Variants in NXPE1 observed in about 807,000 individuals in gnomAD.
NXPE1 encodes the protein neurexophilin and PC-esterase domain family member 1.
NXPE1 carries 31 observed loss-of-function variants against 33.3 expected under a neutral mutation model. The observed-to-expected ratio is 0.93, with a 90% CI of 0.70 to 1.26. NXPE1 has a LOEUF of 1.26. Ranked by LOEUF, NXPE1 falls within the 50% of genes most tolerant of loss-of-function variation. The probability of loss-of-function intolerance (pLI) is 0.00; values close to 1 mark genes in which losing one functional copy is unlikely to be tolerated. For synonymous variants in NXPE1, 229 were observed against 231.4 expected, an observed-to-expected ratio of 0.99 and a Z score of 0.09; for missense variants, 661 against 655.6, an observed-to-expected ratio of 1.01 and a Z score of -0.09.
chr11:114,533,134 G>A (rs965259475), intron 5 of NXPE1, among the ~76,000 whole-genome samples: 3 of 152,048 alleles, frequency 2.0e-5, no homozygotes, highest in South Asian at 2.1e-4. Context: ...AATGATGGGG[G>A]GAGAAACAGA....
chr11:114,552,472 G>T (rs1043779553), intron 2 of NXPE1, among the ~76,000 whole-genome samples: 5 of 152,052 alleles, frequency 3.3e-5, no homozygotes, highest in African/African-American at 9.7e-5. Context: ...CACAATATTT[G>T]TTGAATAAAT....
intron 1 of NXPE1, chr11:114,553,830 T>TCATTTCTTTCCA (rs1948584227): frequency 2.1e-6 from 2 of 963,544 alleles, no homozygotes; most frequent in East Asian, 2.3e-4. Flanking sequence ...TCTTTCCAAC[T>TCATTTCTTTCCA]GCTCATTCAG....
At chr11:114,544,651 A>C (rs1948213399) in intron 5 of NXPE1, among the ~76,000 whole-genome samples, 2 of 152,176 alleles carry the variant, frequency 1.3e-5, no homozygotes, top group Non-Finnish European at 2.9e-5. Flanking sequence ...AATCTGTGTG[A>C]ACTTGAGCTG....
Position 114,543,091 on chromosome 11 carries a change from A to C in NXPE1, c.99+8012T>G, listed in dbSNP as rs180937274. ...GCAAATATGGCAAGACTGTCTCTAC[A>C]AAATACATAAAGAAATCACTTTGGG... On this transcript the variant is annotated intron_variant, in intron 5 of 8. Transcript: ENST00000534921. Among the ~76,000 whole-genome samples the C allele has an allele frequency of 1.2e-4, 18 of 152,146 alleles. No individual in the cohort carries two copies. In the East Asian group the frequency reaches 3.5e-3, roughly 29 times the overall value.
chr11:114,532,603 A>G lies in NXPE1; in HGVS notation c.100-1695T>C, dbSNP rs146341036. Reference sequence around the variant, plus strand: ...AAGGAAAAACAAACCAATTAATTTTATAAGAATGGAATATATTTTATACTA... The same window carrying G: ...AAGGAAAAACAAACCAATTAATTTTGTAAGAATGGAATATATTTTATACTA... On this transcript the variant is annotated intron_variant, in intron 5 of 8. Coordinates refer to ENST00000534921, the Ensembl canonical transcript of NXPE1. 3.7e-3 allele frequency among the ~76,000 whole-genome samples: 563 copies of G among 152,248 alleles called. 4 individuals are homozygous for G. The highest frequency in any genetic ancestry group is 0.011 in the Admixed American group (163 of 15,292).
intron 5 of NXPE1, among the ~76,000 whole-genome samples, chr11:114,532,047 T>G (rs1372654549): frequency 6.6e-6 from 1 of 152,200 alleles, no homozygotes; most frequent in Non-Finnish European, 1.5e-5. Flanking sequence ...GATTTGAGAA[T>G]GATTACAGAC....
At chr11:114,529,751 T>G in intron 6 of NXPE1, 1 of 169,826 alleles carries the variant, frequency 5.9e-6, no homozygotes, top group Non-Finnish European at 1.3e-5. Flanking sequence ...GAGAGACCAG[T>G]TGGGAAGCTG....
At chr11:114,546,822 GCAAA>G (rs1233804065) in intron 5 of NXPE1, among the ~76,000 whole-genome samples, 2 of 152,068 alleles carry the variant, frequency 1.3e-5, no homozygotes, top group East Asian at 1.9e-4. Flanking sequence ...CTCAAAAGAA[GCAAA>G]CAAACAAAGG....
chr11:114,522,010 C>T (rs376507594), exon 9 of NXPE1: 61 of 1,613,466 alleles, frequency 3.8e-5, no homozygotes, highest in Non-Finnish European at 4.7e-5. Flanking sequence ...GATTTCCAAT[C>T]ACATGATCAG....
At chr11:114,557,371 T>C (rs2135142732) in intron 1 of NXPE1, among the ~76,000 whole-genome samples, 1 of 152,176 alleles carries the variant, frequency 6.6e-6, no homozygotes. Context: ...TATTAGGAAA[T>C]GAGGGACCTT....
At chr11:114,531,304 T>C (rs1024491415) in intron 5 of NXPE1, among the ~76,000 whole-genome samples, 1 of 152,170 alleles carries the variant, frequency 6.6e-6, no homozygotes, top group African/African-American at 2.4e-5. Flanking sequence ...TCTTTTCATA[T>C]ATGCCTTACA....
At chr11:114,522,729 G>T in intron 8 of NXPE1, 150 bp downstream of exon 8, 1 of 673,336 alleles carries the variant, frequency 1.5e-6, no homozygotes, top group Non-Finnish European at 2.5e-6. Context: ...TATGAAAGAA[G>T]GAATAAAATA....
At chr11:114,558,214 GTA>G (rs1278647553) in intron 1 of NXPE1, among the ~76,000 whole-genome samples, 1 of 151,706 alleles carries the variant, frequency 6.6e-6, no homozygotes. Context: ...ATGTGTGTGT[GTA>G]TATATATATC....
chr11:114,520,945 A>T (rs115861445), downstream of NXPE1, among the ~76,000 whole-genome samples: 612 of 152,334 alleles, frequency 4.0e-3, 2 homozygotes, highest in African/African-American at 0.014. Flanking sequence ...AAGTTTGAGC[A>T]GTGGATTCAG....
intron 5 of NXPE1, among the ~76,000 whole-genome samples, chr11:114,540,826 T>C (rs1435072514): frequency 1.7e-5 from 2 of 114,828 alleles, no homozygotes; most frequent in East Asian, 6.5e-4. Flanking sequence ...TAAAACACAA[T>C]AGAAAGCCAT....
At chr11:114,528,986 C>G (rs117479043) in intron 6 of NXPE1, 16,770 of 427,684 alleles carry the variant, frequency 0.039, 459 homozygotes, top group Non-Finnish European at 0.056. Context: ...AGAAGGGAGC[C>G]AGGGACTATA....
At position 114,549,092 on chromosome 11, in the gene NXPE1, G is replaced by A. The variant is rs1591299393; in HGVS notation, c.99+2011C>T. ...AAATACAACCTATCAAAATTGACCT[G>A]AGTGACATTAAAAAAATAGAGAATA... On this transcript the variant is annotated intron_variant, in intron 5 of 8. Transcript: ENST00000534921. Among the ~76,000 whole-genome samples, 4 of 151,800 alleles carry A rather than the reference G, an allele frequency of 2.6e-5. No homozygotes were observed. In the South Asian group the frequency reaches 8.3e-4, roughly 32 times the overall value.
At chr11:114,544,604 A>G (rs1434263295) in intron 5 of NXPE1, among the ~76,000 whole-genome samples, 5 of 152,210 alleles carry the variant, frequency 3.3e-5, no homozygotes, top group African/African-American at 2.4e-5. Flanking sequence ...CTAAATAAAT[A>G]TAAAATCTAA....
At chr11:114,546,033 T>C (rs1023316958) in intron 5 of NXPE1, among the ~76,000 whole-genome samples, 5 of 152,024 alleles carry the variant, frequency 3.3e-5, no homozygotes, top group Non-Finnish European at 7.4e-5. Flanking sequence ...AATAAGGAGA[T>C]TGAGGGACTA....
Sources: allele counts gnomAD v4.1 joint callset (sites outside exome capture counted in the v4.1 genomes callset), GRCh38; gene constraint gnomAD v4.1.1; transcripts MANE v1.5; gene names NCBI Gene and HGNC (gene_info 2026-07-23, HGNC 2026-07-21).